The following MEMO1 variants were observed in gnomAD, a reference collection of about 807,000 sequenced individuals.
MEMO1 encodes mediator of cell motility 1, also known as protein MEMO1.
MEMO1 carries 6 observed loss-of-function variants against 45.2 expected under a neutral mutation model. The observed-to-expected ratio is 0.13, with a 90% confidence interval of 0.07 to 0.26. MEMO1 has a LOEUF of 0.26. Ranked by LOEUF, MEMO1 falls within the 10% of genes least tolerant of loss-of-function variation. The pLI, the probability that MEMO1 is intolerant of heterozygous loss-of-function variation, is 1.00. For synonymous variants in MEMO1, 78 were observed against 124.3 expected, an observed-to-expected ratio of 0.63 and a Z score of 2.48; for missense variants, 184 against 370.5, an observed-to-expected ratio of 0.50 and a Z score of 4.13.
Position 31,881,495 on chromosome 2 carries a change from T to TAAA in MEMO1, c.657+1888_657+1890dup, listed in dbSNP as rs34058748. Among the ~76,000 whole-genome samples the TAAA allele has an allele frequency of 4.3e-3, 292 of 68,386 alleles. 2 individuals are homozygous for TAAA. The highest frequency in any genetic ancestry group is 7.6e-3 in the African/African-American group (127 of 16,718). The allele number at this position is 68,386 out of a possible 152,430, so 44.9% of individuals were successfully genotyped here. On this transcript the variant is annotated intron_variant, in intron 8 of 9. Coordinates refer to ENST00000404530, the MANE Select transcript of MEMO1 (RefSeq NM_001301833.4). ...AGGTGATAGAGTGAGAGCCTGTCTT[T>TAAA]AAAAAAAAAAAAAAAAAAAAAAAAC...
chr2:31,963,272 T>C (rs1192246814), intron 2 of MEMO1: 1 of 1,532,574 alleles, frequency 6.5e-7, no homozygotes, highest in Non-Finnish European at 8.8e-7. Context: ...TCTTTCTATA[T>C]TGAAGATAAA....
intron 2 of MEMO1, among the ~76,000 whole-genome samples, chr2:31,966,839 T>C (rs1470738647): frequency 6.6e-6 from 1 of 152,080 alleles, no homozygotes. Flanking sequence ...CATTTGTAAA[T>C]GATGTACACC....
chr2:31,904,165 T>C (rs1679306967), intron 6 of MEMO1, among the ~76,000 whole-genome samples: 1 of 152,220 alleles, frequency 6.6e-6, no homozygotes. Flanking sequence ...CTAGGCCTGA[T>C]GCTACAATCT....
At chr2:31,911,219 A>G (rs1307202334) in intron 6 of MEMO1, among the ~76,000 whole-genome samples, 1 of 152,206 alleles carries the variant, frequency 6.6e-6, no homozygotes, top group Non-Finnish European at 1.5e-5. Context: ...ACCAAGCTCT[A>G]AAAAGACATG....
At chr2:31,950,882 T>C (rs1287780381) in intron 2 of MEMO1, among the ~76,000 whole-genome samples, 1 of 152,206 alleles carries the variant, frequency 6.6e-6, no homozygotes, top group Non-Finnish European at 1.5e-5. Context: ...CACAATCTGA[T>C]CATCAAATTG....
chr2:31,984,135 T>C (rs566026441), intron 2 of MEMO1, among the ~76,000 whole-genome samples: 1 of 152,274 alleles, frequency 6.6e-6, no homozygotes, highest in East Asian at 1.9e-4. Context: ...GCGACTCACA[T>C]CCAAAGAACA....
chr2:31,930,075 A>T (rs1389227220), intron 4 of MEMO1, among the ~76,000 whole-genome samples: 1 of 152,208 alleles, frequency 6.6e-6, no homozygotes, highest in Admixed American at 6.5e-5. Flanking sequence ...GCCTGGCCAA[A>T]GCCAGGCGAA....
At chr2:31,900,865 TAC>T (rs1306418132) in intron 6 of MEMO1, among the ~76,000 whole-genome samples, 1 of 152,080 alleles carries the variant, frequency 6.6e-6, no homozygotes, top group Middle Eastern at 3.2e-3. Context: ...TATAAAATGG[TAC>T]AGTCACTTTG....
chr2:31,927,794 T>C (rs1683328159), intron 4 of MEMO1, among the ~76,000 whole-genome samples: 1 of 152,218 alleles, frequency 6.6e-6, no homozygotes, highest in Admixed American at 6.5e-5. Context: ...TAATTTTGAA[T>C]GCATTCCACA....
At chr2:31,920,254 C>T (rs2148172366) in intron 5 of MEMO1, among the ~76,000 whole-genome samples, 1 of 151,708 alleles carries the variant, frequency 6.6e-6, no homozygotes, top group Non-Finnish European at 1.5e-5. Flanking sequence ...AAAAACGTGA[C>T]TCTGGACGCC....
intron 2 of MEMO1, among the ~76,000 whole-genome samples, chr2:32,004,097 C>G (rs1283500494): frequency 6.6e-6 from 1 of 152,152 alleles, no homozygotes; most frequent in Admixed American, 6.6e-5. Context: ...AGGGGGATCG[C>G]TTGAGCCCAA....
At chr2:31,926,078 G>A (rs1238277886) in intron 4 of MEMO1, among the ~76,000 whole-genome samples, 1 of 152,134 alleles carries the variant, frequency 6.6e-6, no homozygotes, top group Non-Finnish European at 1.5e-5. Context: ...TCCCCAAAGT[G>A]AATGGAAGTC....
At chr2:31,903,441 G>T (rs962506562) in intron 6 of MEMO1, among the ~76,000 whole-genome samples, 14 of 151,616 alleles carry the variant, frequency 9.2e-5, no homozygotes, top group Non-Finnish European at 1.3e-4. Context: ...GGGACAAAAA[G>T]TTATGTGGGT....
chr2:31,872,889 G>A (rs995757558), intron 8 of MEMO1, among the ~76,000 whole-genome samples: 2 of 152,094 alleles, frequency 1.3e-5, no homozygotes, highest in Admixed American at 6.5e-5. Context: ...CATGAAGTAT[G>A]CAAACAAAAG....
At chr2:31,933,342 A>ATATAT (rs1558514156) in intron 3 of MEMO1, among the ~76,000 whole-genome samples, 7 of 47,336 alleles carry the variant, frequency 1.5e-4, no homozygotes, top group African/African-American at 6.4e-4. Flanking sequence ...AAAAAAAAAA[A>ATATAT]AAAAAAATTT....
chr2:31,875,158 A>G (rs1394101315), intron 8 of MEMO1, among the ~76,000 whole-genome samples: 2 of 152,144 alleles, frequency 1.3e-5, no homozygotes, highest in East Asian at 1.9e-4. Flanking sequence ...AAAATCAAAT[A>G]TTAAATTCAA....
intron 2 of MEMO1, among the ~76,000 whole-genome samples, chr2:31,988,484 T>C (rs757788838): frequency 5.9e-5 from 9 of 152,020 alleles, no homozygotes; most frequent in Non-Finnish European, 1.2e-4. Context: ...GAGGCAGAGG[T>C]TGCAGTGAGC....
At chr2:32,010,406 G>C in intron 1 of MEMO1, 142 bp from the exon 2 acceptor site, 1 of 416,164 alleles carries the variant, frequency 2.4e-6, no homozygotes, top group Admixed American at 3.8e-5. Flanking sequence ...AGGAGGAAGA[G>C]GAGGAGGCGG....
At chr2:31,901,234 G>T (rs1387009034) in intron 6 of MEMO1, among the ~76,000 whole-genome samples, 2 of 151,784 alleles carry the variant, frequency 1.3e-5, no homozygotes, top group Non-Finnish European at 2.9e-5. Context: ...TTAGCCGGGT[G>T]TGGTGGCACA....
Sources: gnomAD v4.1 joint callset for allele counts (sites outside exome capture counted in the v4.1 genomes callset) on GRCh38, gnomAD v4.1.1 for gene constraint, MANE v1.5 for transcripts, NCBI Gene and HGNC (gene_info 2026-07-23, HGNC 2026-07-21) for gene names.